Variants in OR9G1 observed in about 807,000 individuals in gnomAD.
The protein encoded by OR9G1 is olfactory receptor family 9 subfamily G member 1, also known as olfactory receptor 9G1.
OR9G1 carries 21 observed loss-of-function variants against 14.5 expected under a neutral mutation model. The observed-to-expected ratio is 1.45, with a 90% CI of 1.03 to 2.09. The LOEUF (loss-of-function observed/expected upper bound fraction) is 2.09, where lower values mean the gene tolerates loss of function less well. Among genes scored for constraint, OR9G1 ranks in the 30% most tolerant of loss-of-function variants. The probability of loss-of-function intolerance (pLI) is 0.00; values close to 1 mark genes in which losing one functional copy is unlikely to be tolerated. For synonymous variants in OR9G1, 179 were observed against 153.3 expected, an observed-to-expected ratio of 1.17 and a Z score of -1.24; for missense variants, 476 against 364.2, an observed-to-expected ratio of 1.31 and a Z score of -2.50.
rs1292530190 is a variant in OR9G1 at position 56,703,828 on chromosome 11, A to T, written c.*2523A>T. 2 of 118 alleles carry T rather than the reference A, an allele frequency of 0.017. No homozygotes were observed. Among genetic ancestry groups the T allele is most frequent in the Admixed American group, 0.083 (1 of 12 alleles). 0.0% of individuals were successfully genotyped at this position (118 alleles called of 1,614,324 possible). On this transcript the variant is annotated 3_prime_UTR_variant, in exon 2 of 2. Coordinates refer to ENST00000642097, the MANE Select transcript of OR9G1 (RefSeq NM_001005213.2). ...TGTAAACATAGCTCGCTAAGTGCAT[A>T]TTCATATTATTTTATACTTGGAAGT...
At position 56,701,603 on chromosome 11, in the gene OR9G1, C is replaced by T. The variant is rs916973359; in HGVS notation, c.*298C>T. ...CCTACCTCATTAGCCTAAGATTTGG[C>T]TAACTGATACATATAGAAGAGTATC... On this transcript the variant is annotated 3_prime_UTR_variant, in exon 2 of 2. Transcript: ENST00000642097. 5.0e-6 allele frequency: 2 copies of T among 403,384 alleles called. No homozygotes were observed. Among genetic ancestry groups the T allele is most frequent in the Non-Finnish European group, 4.4e-6 (1 of 229,638 alleles). The allele number at this position is 403,384 out of a possible 1,614,324, so 25.0% of individuals were successfully genotyped here.
rs1315827577 is a variant in OR9G1, at chr11:56,703,788, C to T, written c.*2483C>T. ...CTTCAAATAAGAATAAGAATATGCCCATATATCCATATATTGTAAACATAG... is the reference window on the plus strand; with the variant it reads ...CTTCAAATAAGAATAAGAATATGCCTATATATCCATATATTGTAAACATAG... On this transcript the variant is annotated 3_prime_UTR_variant, in exon 2 of 2. Coordinates refer to ENST00000642097, the MANE Select transcript of OR9G1 (RefSeq NM_001005213.2). 1 of 12,120 alleles carries T rather than the reference C, an allele frequency of 8.3e-5. No homozygotes were observed. Among genetic ancestry groups the T allele is most frequent in the Non-Finnish European group, 1.8e-4 (1 of 5,478 alleles). 0.8% of individuals were successfully genotyped at this position (12,120 alleles called of 1,614,324 possible).
At position 56,700,418 on chromosome 11, in the gene OR9G1, T is replaced by C. The variant is rs1857593116; in HGVS notation, c.31T>C (p.Phe11Leu). 4 of 1,614,172 alleles carry C rather than the reference T, an allele frequency of 2.5e-6. No homozygotes were observed. The highest frequency in any genetic ancestry group is 1.7e-5 in the Admixed American group (1 of 60,012). ...GAGGAGCAATCATACAGTGACTGAG[T>C]TTATACTGCTGGGCTTCACCACAGA... MQRSNHTVTE[F>L]ILLGFTTDPG... The change falls in exon 2 of 2, where the codon TTT becomes CTT. Residue 11 changes from phenylalanine (F) to leucine (L), a missense_variant. By Grantham distance (22) the Phe-to-Leu change is conservative. Coordinates refer to ENST00000642097, the MANE Select transcript of OR9G1 (RefSeq NM_001005213.2).
Position 56,701,192 on chromosome 11 carries a change from A to G in OR9G1, c.805A>G (p.Met269Val). Residue 269 changes from methionine to valine, a missense_variant, in exon 2 of 2, where the codon ATG (methionine) becomes GTG (valine). Around this residue, in one of 3 missense-constraint regions of OR9G1, gnomAD observed 352 missense variants for 211.6 expected, o/e 1.66. Transcript: ENST00000642097. ...ALPRSSYSFD[M>V]DKIVSTFYTV... The stretch of plus-strand genomic sequence containing the variant: ...CCCCAGATCTAGCTATTCTTTTGAT[A>G]TGGACAAAATAGTTTCTACATTTTA... 6.2e-7 allele frequency: 1 copy of G among 1,614,304 alleles called. No individual in the cohort carries two copies. The highest frequency in any genetic ancestry group is 8.5e-7 in the Non-Finnish European group (1 of 1,180,052).
At chr11:56,700,298 G>A (rs1453345582) in intron 1 of OR9G1, 72 bp from the exon 2 acceptor site, 5 of 1,543,230 alleles carry the variant, frequency 3.2e-6, no homozygotes, top group Admixed American at 2.0e-5. Flanking sequence ...CACTGCAAAT[G>A]TGATCTTATG....
Position 56,701,298 on chromosome 11 carries a change from T to C in OR9G1, c.911T>C (p.Leu304Pro), listed in dbSNP as rs752777720. 1.7e-5 allele frequency: 28 copies of C among 1,601,502 alleles called. No homozygotes were observed. Among genetic ancestry groups the C allele is most frequent in the Non-Finnish European group, 4.3e-6 (5 of 1,176,250 alleles). The change falls in exon 2 of 2, where the codon CTC becomes CCC. Residue 304 changes from leucine (L) to proline (P), a missense_variant. By Grantham distance (98) the Leu-to-Pro change is moderately conservative. This residue lies in a region of OR9G1 where 352 missense variants were observed against 211.6 expected (regional missense o/e 1.66). Transcript: ENST00000642097. ...GTGAAAGAGGCTCTGAAAAAACTTC[T>C]CCCATAAATCAAGATTATCTCCACC... The part of the protein sequence containing the change: ...KDVKEALKKL[L>P]P
At position 56,701,091 on chromosome 11, in the gene OR9G1, A is replaced by G. The variant is rs751244777; in HGVS notation, c.704A>G (p.Lys235Arg). ...LRISSSKGYL[K>R]AFSTCSSHLT... ...ATCTCCTCCTCCAAGGGCTACCTCA[A>G]AGCCTTCTCCACATGCTCCTCCCAC... The change falls in exon 2 of 2, where the codon AAA (lysine) becomes AGA (arginine). Residue 235 changes from lysine (K) to arginine (R), a missense_variant. By Grantham distance (26) the Lys-to-Arg change is conservative. This residue lies in a region of OR9G1 where 352 missense variants were observed against 211.6 expected (regional missense o/e 1.66). Transcript: ENST00000642097. 6.2e-7 allele frequency: 1 copy of G among 1,614,296 alleles called. No homozygotes were observed. The highest frequency in any genetic ancestry group is 8.5e-7 in the Non-Finnish European group (1 of 1,180,046).
chr11:56,700,837 T>C lies in OR9G1; in HGVS notation c.450T>C (p.Gly150=). Residue 150 remains glycine, a synonymous_variant, in exon 2 of 2, where the codon GGT becomes GGC. Transcript: ENST00000642097. ...CALLVAVSYC[G]GFINSSIITK... ...TGCTGGTAGCAGTCTCATATTGTGGTGGCTTTATTAACTCTTCAATCATCA... is the reference window on the plus strand; with the variant it reads ...TGCTGGTAGCAGTCTCATATTGTGGCGGCTTTATTAACTCTTCAATCATCA... The C allele has an allele frequency of 6.2e-7, 1 of 1,614,320 alleles. No individual in the cohort carries two copies. The highest frequency in any genetic ancestry group is 2.2e-5 in the East Asian group (1 of 44,894).
intron 1 of OR9G1, among the ~76,000 whole-genome samples, chr11:56,699,961 A>AAC: frequency 6.6e-6 from 1 of 152,422 alleles, no homozygotes; most frequent in African/African-American, 2.4e-5. Context: ...AATGCATAGA[A>AAC]ACTAGAGGAA....
Position 56,701,193 on chromosome 11 carries a change from T to G in OR9G1, c.806T>G (p.Met269Arg). 1 of 1,614,308 alleles carries G rather than the reference T, an allele frequency of 6.2e-7. No homozygotes were observed. Among genetic ancestry groups the G allele is most frequent in the Non-Finnish European group, 8.5e-7 (1 of 1,180,052 alleles). The change falls in exon 2 of 2, where the codon ATG becomes AGG. Residue 269 changes from methionine to arginine, a missense_variant. Physicochemically the swap from Met to Arg is moderately conservative, Grantham distance 91 (BLOSUM62 -1). Coordinates refer to ENST00000642097, the MANE Select transcript of OR9G1 (RefSeq NM_001005213.2). ...ALPRSSYSFDMDKIVSTFYTV... is the reference protein window; with the variant it reads ...ALPRSSYSFDRDKIVSTFYTV... ...CCCAGATCTAGCTATTCTTTTGATA[T>G]GGACAAAATAGTTTCTACATTTTAC...
chr11:56,700,459 G>T lies in OR9G1; in HGVS notation c.72G>T (p.Leu24=), dbSNP rs758457424. 6.2e-7 allele frequency: 1 copy of T among 1,614,290 alleles called. No homozygotes were observed. Among genetic ancestry groups the T allele is most frequent in the Non-Finnish European group, 8.5e-7 (1 of 1,180,040 alleles). The change falls in exon 2 of 2, where the codon CTG becomes CTT. Residue 24 remains leucine, a synonymous_variant. Transcript: ENST00000642097. ...TCACCACAGACCCAGGAATGCAGCT[G>T]GGCCTCTTCGTGGTGTTCCTGGGCG... ...LGFTTDPGMQ[L]GLFVVFLGVY...
chr11:56,700,299 T>C (rs1857589222), intron 1 of OR9G1, 71 bp from the exon 2 acceptor site: 19 of 1,544,268 alleles, frequency 1.2e-5, no homozygotes, highest in Non-Finnish European at 1.6e-5. Context: ...ACTGCAAATG[T>C]GATCTTATGT....
Position 56,701,102 on chromosome 11 carries a change from A to G in OR9G1, c.715A>G (p.Thr239Ala). 6.2e-7 allele frequency: 1 copy of G among 1,614,302 alleles called. No homozygotes were observed. Among genetic ancestry groups the G allele is most frequent in the Non-Finnish European group, 8.5e-7 (1 of 1,180,048 alleles). The change falls in exon 2 of 2, where the codon ACA (threonine) becomes GCA (alanine). Residue 239 changes from threonine to alanine, a missense_variant. By Grantham distance (58) the Thr-to-Ala change is moderately conservative (BLOSUM62 0). Around this residue, in one of 3 missense-constraint regions of OR9G1, gnomAD observed 352 missense variants for 211.6 expected, o/e 1.66. Transcript: ENST00000642097. The stretch of plus-strand genomic sequence containing the variant: ...CAAGGGCTACCTCAAAGCCTTCTCC[A>G]CATGCTCCTCCCACCTGACCTCTGT... The part of the protein sequence containing the change: ...SSKGYLKAFS[T>A]CSSHLTSVTL...
chr11:56,701,388 T>G lies in OR9G1; in HGVS notation c.*83T>G. ...ATTTCAAACAGAGTTACCATTGTGC[T>G]TTATCGTGATCAGTCCCCTTCTTGA... On this transcript the variant is annotated 3_prime_UTR_variant, in exon 2 of 2. Transcript: ENST00000642097. 6.7e-7 allele frequency: 1 copy of G among 1,501,396 alleles called. No individual in the cohort carries two copies. The highest frequency in any genetic ancestry group is 1.3e-5 in the South Asian group (1 of 74,488). 93.0% of individuals were successfully genotyped at this position (1,501,396 alleles called of 1,614,324 possible). A position where few individuals can be genotyped will look rare whatever the true frequency, so the allele number is the denominator to read the frequency against.
Position 56,700,963 on chromosome 11 carries a change from C to A in OR9G1, c.576C>A (p.Gly192=), listed in dbSNP as rs373029506. ...TGGAGCTGGCCTGTGGCGAGAAGGG[C>A]GGCTATAAAATTATGATGTACTTCC... is the stretch of plus-strand genomic sequence containing the variant. ...PLVELACGEK[G]GYKIMMYFLL... Residue 192 remains glycine (G), a synonymous_variant, in exon 2 of 2, where the codon GGC becomes GGA. Transcript: ENST00000642097. The A allele has an allele frequency of 3.7e-6, 6 of 1,614,134 alleles. No individual in the cohort carries two copies. Among genetic ancestry groups the A allele is most frequent in the African/African-American group, 1.3e-5 (1 of 74,966 alleles).
Position 56,701,205 on chromosome 11 carries a change from T to C in OR9G1, c.818T>C (p.Val273Ala), listed in dbSNP as rs142629362. ...TATTCTTTTGATATGGACAAAATAGTTTCTACATTTTACACTGTGGTATTC... is the reference window on the plus strand; with the variant it reads ...TATTCTTTTGATATGGACAAAATAGCTTCTACATTTTACACTGTGGTATTC... ...SSYSFDMDKI[V>A]STFYTVVFPM... The change falls in exon 2 of 2, where the codon GTT (valine) becomes GCT (alanine). Residue 273 changes from valine (V) to alanine (A), a missense_variant. By Grantham distance (64) the Val-to-Ala change is moderately conservative. Around this residue, in one of 3 missense-constraint regions of OR9G1, gnomAD observed 352 missense variants for 211.6 expected, o/e 1.66. Transcript: ENST00000642097. 292 of 1,614,252 alleles carry C rather than the reference T, an allele frequency of 1.8e-4. No individual in the cohort carries two copies. In the African/African-American group the frequency reaches 3.2e-3, roughly 18 times the overall value.
chr11:56,700,489 C>G lies in OR9G1; in HGVS notation c.102C>G (p.Tyr34Ter). 6.2e-7 allele frequency: 1 copy of G among 1,614,320 alleles called. No homozygotes were observed. Among genetic ancestry groups the G allele is most frequent in the Non-Finnish European group, 8.5e-7 (1 of 1,180,058 alleles). Residue 34 changes from tyrosine (Y) to a stop codon, truncating the protein, a stop_gained, in exon 2 of 2, where the codon TAC becomes TAG. Coordinates refer to ENST00000642097, the MANE Select transcript of OR9G1 (RefSeq NM_001005213.2). LOFTEE classifies it high-confidence loss of function. ...TCTTCGTGGTGTTCCTGGGCGTGTA[C>G]TCTCTCACTGTGGTAGGAAATAGCA... is the stretch of plus-strand genomic sequence containing the variant. Reference protein sequence around the residue: ...LGLFVVFLGVYSLTVVGNSTL... With the variant: ...LGLFVVFLGV
chr11:56,701,314 T>C lies in OR9G1; in HGVS notation c.*9T>C. ...AAAAACTTCTCCCATAAATCAAGAT[T>C]ATCTCCACCAGAGGAGAAACAAAGA... On this transcript the variant is annotated 3_prime_UTR_variant, in exon 2 of 2. Coordinates refer to ENST00000642097, the MANE Select transcript of OR9G1 (RefSeq NM_001005213.2). 6.3e-7 allele frequency: 1 copy of C among 1,591,638 alleles called. No homozygotes were observed. Among genetic ancestry groups the C allele is most frequent in the Non-Finnish European group, 8.5e-7 (1 of 1,172,778 alleles).
rs775572185 is a variant in OR9G1 at position 56,700,600 on chromosome 11, G to A, written c.213G>A (p.Trp71Ter). 6.2e-7 allele frequency: 1 copy of A among 1,614,306 alleles called. No homozygotes were observed. Among genetic ancestry groups the A allele is most frequent in the Non-Finnish European group, 8.5e-7 (1 of 1,180,056 alleles). Residue 71 changes from tryptophan (W) to a stop codon, truncating the protein, a stop_gained, in exon 2 of 2, where the codon TGG becomes TGA. Transcript: ENST00000642097. LOFTEE classifies it high-confidence loss of function. ...GAAATCTGTCGTTTCTGGATCTCTG[G>A]TATTCTTCTGTCTACACCCCAAAGA... is the stretch of plus-strand genomic sequence containing the variant. ...FTGNLSFLDL[W>*]YSSVYTPKIL...
Sources: gnomAD v4.1 joint callset for allele counts (sites outside exome capture counted in the v4.1 genomes callset) on GRCh38, gnomAD v4.1.1 for gene constraint, gnomAD v4.1.1 regional missense constraint, MANE v1.5 for transcripts, NCBI Gene and HGNC (gene_info 2026-07-23, HGNC 2026-07-21) for gene names.